The following DPF1 variants were observed in gnomAD, a reference collection of about 807,000 sequenced individuals.
DPF1 encodes double PHD fingers 1.
In DPF1, 14 loss-of-function variants were observed where a neutral mutation model predicts 58.7. The observed-to-expected ratio is 0.24, with a 90% CI of 0.16 to 0.37. The LOEUF is 0.37. Ranked by LOEUF, DPF1 falls within the 10% of genes least tolerant of loss-of-function variation. The probability of loss-of-function intolerance (pLI) is 1.00; values close to 1 mark genes in which losing one functional copy is unlikely to be tolerated. For missense variants in DPF1, 345 were observed against 529.9 expected (o/e 0.65, Z 3.43); for synonymous variants, 216 against 216.0 (o/e 1.00, Z 0.00).
At chr19:38,217,295 C>CAT (rs1027862336) in intron 7 of DPF1, 165 bp downstream of exon 7, 4 of 922,114 alleles carry the variant, frequency 4.3e-6, no homozygotes, top group Non-Finnish European at 6.3e-6. Flanking sequence ...GGTTGGTTGC[C>CAT]ATGGCAACCC....
chr19:38,218,116 C>T (rs1388351801), intron 5 of DPF1, among the ~76,000 whole-genome samples: 2 of 152,238 alleles, frequency 1.3e-5, no homozygotes, highest in South Asian at 2.1e-4. Context: ...GCAGGAGAAT[C>T]GCTTGAACCC....
At chr19:38,223,359 C>T (rs890706046) in intron 1 of DPF1, 1 of 152,774 alleles carries the variant, frequency 6.5e-6, no homozygotes, top group African/African-American at 2.4e-5. Context: ...TATCCAAAGA[C>T]ACAACACAAA....
intron 9 of DPF1, among the ~76,000 whole-genome samples, chr19:38,215,142 T>C (rs1966921716): frequency 6.6e-6 from 1 of 151,464 alleles, no homozygotes; most frequent in Non-Finnish European, 1.5e-5. Context: ...CTGGCCTATT[T>C]TTTTTTTAAT....
At chr19:38,226,967 TTTC>T (rs1967849714), upstream of DPF1, among the ~76,000 whole-genome samples, 1 of 37,794 alleles carries the variant, frequency 2.6e-5, no homozygotes, top group South Asian at 7.6e-4. Context: ...TCTATTTTTC[TTTC>T]TTTTCTTTTC....
upstream of DPF1, among the ~76,000 whole-genome samples, chr19:38,228,993 G>C (rs962231242): frequency 6.6e-6 from 1 of 152,022 alleles, no homozygotes; most frequent in African/African-American, 2.4e-5. Flanking sequence ...CGGCGGGTTC[G>C]GGGCTTCCAG....
intron 10 of DPF1, 29 bp from the exon 11 acceptor site, chr19:38,212,390 C>A (rs1409776982): frequency 7.6e-7 from 1 of 1,315,400 alleles, no homozygotes; most frequent in African/African-American, 1.5e-5. Context: ...CCAGCTGGCA[C>A]CCTGGGGGCA....
At chr19:38,219,400 A>G (rs1967281538) in intron 3 of DPF1, 1 of 267,734 alleles carries the variant, frequency 3.7e-6, no homozygotes, top group South Asian at 6.4e-5. Flanking sequence ...AGACACTCGC[A>G]GAGGAGACAC....
At chr19:38,218,021 G>T in intron 5 of DPF1, 145 bp from the exon 6 acceptor site, 1 of 718,588 alleles carries the variant, frequency 1.4e-6, no homozygotes. Flanking sequence ...GGCCAACATG[G>T]TGAAGCCCCG....
chr19:38,219,326 C>T (rs942998488), intron 3 of DPF1: 1 of 487,034 alleles, frequency 2.1e-6, no homozygotes, highest in Non-Finnish European at 3.7e-6. Flanking sequence ...ATCAGGCACA[C>T]CCAGACCTAC....
chr19:38,218,750 G>C (rs749022191), intron 4 of DPF1, 88 bp from the exon 5 acceptor site: 239 of 1,552,060 alleles, frequency 1.5e-4, no homozygotes, highest in Non-Finnish European at 2.0e-4. Flanking sequence ...GAGATTGGGG[G>C]TGAGAGTATA....
chr19:38,212,044 C>CGCG lies in DPF1; in HGVS notation c.*16_*18dup. ...AGGTAGGCGAGCACCACCCCAGAGT[C>CGCG]GCGGCGAGCCGAGCCGGCCTAGGTG... is the stretch of plus-strand genomic sequence containing the variant. On this transcript the variant is annotated 3_prime_UTR_variant, in exon 12 of 12. Transcript: ENST00000355526. The CGCG allele has an allele frequency of 6.2e-7, 1 of 1,601,562 alleles. No individual in the cohort carries two copies. Among genetic ancestry groups the CGCG allele is most frequent in the South Asian group, 1.1e-5 (1 of 88,996 alleles).
In DPF1 at chr19:38,211,981, T is replaced by G; in HGVS notation, c.*82A>C. ...CCCCTCTCCCCCTCCCCCTGCGGGA[T>G]GTTCAGGGTGGGGGAGAATTGAGGA... On this transcript the variant is annotated 3_prime_UTR_variant, in exon 12 of 12. Coordinates refer to ENST00000355526, the MANE Select transcript of DPF1 (RefSeq NM_001135155.3). The surrounding 1 kb of genome is among the most constrained non-coding windows in gnomAD (Gnocchi z 4.0). The G allele has an allele frequency of 8.8e-5, 125 of 1,422,170 alleles. No individual in the cohort carries two copies. Among genetic ancestry groups the G allele is most frequent in the Non-Finnish European group, 1.1e-4 (115 of 1,028,524 alleles). The allele number at this position is 1,422,170 out of a possible 1,614,324, so 88.1% of individuals were successfully genotyped here.
chr19:38,212,438 G>A (rs1235568031), intron 10 of DPF1, 77 bp from the exon 11 acceptor site: 9 of 445,832 alleles, frequency 2.0e-5, no homozygotes, highest in East Asian at 4.7e-5. Flanking sequence ...TGGGGCAGGG[G>A]CTAGGTCAAG....
At position 38,212,023 on chromosome 19, in the gene DPF1, A is replaced by G; in HGVS notation, c.*40T>C. Reference sequence around the variant, plus strand: ...AATTGAGGAGCTCGGAGAGGCAGGTAGGCGAGCACCACCCCAGAGTCGCGG... The same window carrying G: ...AATTGAGGAGCTCGGAGAGGCAGGTGGGCGAGCACCACCCCAGAGTCGCGG... On this transcript the variant is annotated 3_prime_UTR_variant, in exon 12 of 12. Coordinates refer to ENST00000355526, the MANE Select transcript of DPF1 (RefSeq NM_001135155.3). The G allele has an allele frequency of 6.3e-7, 1 of 1,591,534 alleles. No homozygotes were observed. The highest frequency in any genetic ancestry group is 8.6e-7 in the Non-Finnish European group (1 of 1,169,428).
Position 38,224,062 on chromosome 19 carries a change from C to T in DPF1, c.29+52G>A. 1 of 1,485,814 alleles carries T rather than the reference C, an allele frequency of 6.7e-7. No homozygotes were observed. The allele number at this position is 1,485,814 out of a possible 1,614,324, so 92.0% of individuals were successfully genotyped here. A position where few individuals can be genotyped will look rare whatever the true frequency, so the allele number is the denominator to read the frequency against. On this transcript the variant is annotated intron_variant, in intron 1 of 11. Transcript: ENST00000355526. This position sits in a 1 kb window ranked among gnomAD's most constrained non-coding sequence, Gnocchi z 4.5. ...CCCCCGGTCGCCACACACACACAGG[C>T]CCGCGTAGACCCGCCCGCGCTTCCT...
chr19:38,214,874 T>C (rs7256404), intron 9 of DPF1, among the ~76,000 whole-genome samples: 103,256 of 138,958 alleles, frequency 0.74, 39,064 homozygotes, highest in East Asian at 0.91. Context: ...CTTGCTCTGA[T>C]ACCCAGGGTG....
At chr19:38,223,329 C>G (rs1600282926) in intron 1 of DPF1, 1 of 152,918 alleles carries the variant, frequency 6.5e-6, no homozygotes, top group African/African-American at 2.4e-5. Flanking sequence ...ACCACTTGCG[C>G]CCCTAGGCAC....
At chr19:38,219,306 CAGTT>C (rs1187779097) in intron 3 of DPF1, 2 of 536,104 alleles carry the variant, frequency 3.7e-6, no homozygotes, top group East Asian at 3.3e-5. Context: ...GAAAAAGACA[CAGTT>C]AGGCCATCAG....
rs758725060 is a variant in DPF1 at position 38,224,092 on chromosome 19, G to A, written c.29+22C>T. 1.3e-6 allele frequency: 2 copies of A among 1,494,108 alleles called. No homozygotes were observed. Among genetic ancestry groups the A allele is most frequent in the Non-Finnish European group, 1.8e-6 (2 of 1,133,050 alleles). The allele number at this position is 1,494,108 out of a possible 1,614,324, so 92.6% of individuals were successfully genotyped here. On this transcript the variant is annotated intron_variant, in intron 1 of 11. Transcript: ENST00000355526. This position sits in a 1 kb window ranked among gnomAD's most constrained non-coding sequence, Gnocchi z 4.5. ...GTAGACCCGCCCGCGCTTCCTCTCCGCCTCCCGCCGGCCCGCACCACCTCA... is the reference window on the plus strand; with the variant it reads ...GTAGACCCGCCCGCGCTTCCTCTCCACCTCCCGCCGGCCCGCACCACCTCA...
Sources: allele counts gnomAD v4.1 joint callset (sites outside exome capture counted in the v4.1 genomes callset), GRCh38; gene constraint gnomAD v4.1.1; non-coding constraint Gnocchi (gnomAD v3.1); transcripts MANE v1.5; gene names NCBI Gene and HGNC (gene_info 2026-07-23, HGNC 2026-07-21).